CADPS2: variants seen among roughly 807,000 people sequenced by gnomAD.
CADPS2 encodes calcium-dependent secretion activator 2.
A neutral mutation model predicts 172.5 loss-of-function variants in CADPS2; 93 were observed. That is an observed-to-expected ratio of 0.54 (90% confidence interval 0.46 to 0.64). The LOEUF is 0.64. CADPS2 is among the 30% of genes least tolerant of loss of function. The probability of loss-of-function intolerance (pLI) is 0.00; values close to 1 mark genes in which losing one functional copy is unlikely to be tolerated. For synonymous variants in CADPS2, 546 were observed against 555.2 expected, an observed-to-expected ratio of 0.98 and a Z score of 0.23; for missense variants, 1,420 against 1,565.9, an observed-to-expected ratio of 0.91 and a Z score of 1.57.
chr7:122,492,130 C>T (rs940468912), intron 9 of CADPS2, among the ~76,000 whole-genome samples: 3 of 151,892 alleles, frequency 2.0e-5, no homozygotes, highest in African/African-American at 7.3e-5. Flanking sequence ...CGAGATCGCG[C>T]CATTGCACCC....
intron 7 of CADPS2, among the ~76,000 whole-genome samples, chr7:122,560,914 T>C (rs932678928): frequency 6.6e-6 from 1 of 152,168 alleles, no homozygotes; most frequent in African/African-American, 2.4e-5. Context: ...AATAACCACA[T>C]ATATTAATAT....
chr7:122,776,334 T>C (rs1387415411), intron 1 of CADPS2, among the ~76,000 whole-genome samples: 2 of 152,176 alleles, frequency 1.3e-5, no homozygotes, highest in Admixed American at 6.5e-5. Context: ...TCTTCTGCCA[T>C]GATTGTGAGG....
At chr7:122,419,932 T>A (rs1475944989) in intron 17 of CADPS2, among the ~76,000 whole-genome samples, 2 of 152,182 alleles carry the variant, frequency 1.3e-5, no homozygotes, top group African/African-American at 4.8e-5. Context: ...ATTTAACTTA[T>A]TTTAAATCAC....
chr7:122,768,122 G>A (rs2093609430), intron 1 of CADPS2, among the ~76,000 whole-genome samples: 1 of 152,078 alleles, frequency 6.6e-6, no homozygotes, highest in Non-Finnish European at 1.5e-5. Context: ...AATAAAGTGA[G>A]GTTTAAAGCA....
intron 2 of CADPS2, among the ~76,000 whole-genome samples, chr7:122,696,497 C>G (rs372682041): frequency 9.3e-4 from 2 of 2,160 alleles, no homozygotes; most frequent in African/African-American, 1.2e-3. Context: ...CTTTAGTCTT[C>G]CATGACCCCA....
intron 2 of CADPS2, among the ~76,000 whole-genome samples, chr7:122,674,266 GAGTGGCTCCCA>G (rs1401624254): frequency 6.6e-6 from 1 of 152,234 alleles, no homozygotes; most frequent in Non-Finnish European, 1.5e-5. Flanking sequence ...CCAGCCCAGA[GAGTGGCTCCCA>G]CAGCGCAGCG....
chr7:122,396,446 A>G (rs2045144419), intron 20 of CADPS2, among the ~76,000 whole-genome samples: 1 of 152,180 alleles, frequency 6.6e-6, no homozygotes, highest in Non-Finnish European at 1.5e-5. Flanking sequence ...TCTTCTCAAA[A>G]TCATAAGCAG....
chr7:122,460,149 T>G (rs2054279958), intron 14 of CADPS2, among the ~76,000 whole-genome samples: 1 of 151,996 alleles, frequency 6.6e-6, no homozygotes, highest in Admixed American at 6.6e-5. Flanking sequence ...GTGGACTAAC[T>G]TGATACTCCC....
chr7:122,549,917 C>G (rs1389776151), intron 8 of CADPS2, among the ~76,000 whole-genome samples: 2 of 152,142 alleles, frequency 1.3e-5, no homozygotes, highest in African/African-American at 4.8e-5. Context: ...ACTCTTTGAG[C>G]AAATACTACC....
At chr7:122,645,364 C>CATATATACACACAT (rs1563947814) in intron 3 of CADPS2, among the ~76,000 whole-genome samples, 8 of 78,350 alleles carry the variant, frequency 1.0e-4, no homozygotes, top group Admixed American at 2.4e-4. Context: ...TATACATGTA[C>CATATATACACACAT]ATGTATACAC....
At chr7:122,775,652 A>G (rs746673416) in intron 1 of CADPS2, among the ~76,000 whole-genome samples, 22 of 152,182 alleles carry the variant, frequency 1.4e-4, no homozygotes, top group Non-Finnish European at 3.2e-4. Flanking sequence ...TTTGATTATC[A>G]CCATCCAGAA....
chr7:122,573,619 A>C (rs2067566123), intron 7 of CADPS2, among the ~76,000 whole-genome samples: 1 of 152,144 alleles, frequency 6.6e-6, no homozygotes, highest in Non-Finnish European at 1.5e-5. Context: ...CAACATTTCT[A>C]AAATTAAAAA....
intron 6 of CADPS2, among the ~76,000 whole-genome samples, chr7:122,607,224 TG>T (rs2073691721): frequency 6.6e-6 from 1 of 152,144 alleles, no homozygotes. Flanking sequence ...TTTTGAAATG[TG>T]TAAGTCTTGG....
At chr7:122,636,922 G>C (rs1246308491) in intron 3 of CADPS2, among the ~76,000 whole-genome samples, 1 of 151,978 alleles carries the variant, frequency 6.6e-6, no homozygotes, top group African/African-American at 2.4e-5. Context: ...AATTTTCATG[G>C]ACTATATCCT....
At chr7:122,550,973 G>A (rs545101226) in intron 8 of CADPS2, among the ~76,000 whole-genome samples, 1 of 152,076 alleles carries the variant, frequency 6.6e-6, no homozygotes, top group South Asian at 2.1e-4. Flanking sequence ...GGTTTTAAAA[G>A]GATGGAATCA....
At chr7:122,463,103 G>A (rs1278320711) in intron 14 of CADPS2, among the ~76,000 whole-genome samples, 1 of 152,118 alleles carries the variant, frequency 6.6e-6, no homozygotes, top group Non-Finnish European at 1.5e-5. Context: ...GACTTTAGAA[G>A]ATCTTAACCA....
intron 1 of CADPS2, among the ~76,000 whole-genome samples, chr7:122,864,579 T>C (rs2141353466): frequency 6.6e-6 from 1 of 152,168 alleles, no homozygotes; most frequent in African/African-American, 2.4e-5. Flanking sequence ...GCTGGAACTA[T>C]TACAGCAAGA....
intron 7 of CADPS2, among the ~76,000 whole-genome samples, chr7:122,563,858 C>T (rs2066067272): frequency 6.6e-6 from 1 of 151,976 alleles, no homozygotes; most frequent in African/African-American, 2.4e-5. Flanking sequence ...AATTAAAAAC[C>T]AACTACAGGT....
chr7:122,551,045 TTAAA>T (rs993659929), intron 8 of CADPS2, among the ~76,000 whole-genome samples: 4 of 152,120 alleles, frequency 2.6e-5, no homozygotes, highest in Non-Finnish European at 4.4e-5. Context: ...TTAGTCCTAC[TTAAA>T]TAAACTATAA....
Sources: gnomAD v4.1 joint callset for allele counts (sites outside exome capture counted in the v4.1 genomes callset) on GRCh38, gnomAD v4.1.1 for gene constraint, MANE v1.5 for transcripts, NCBI Gene and HGNC (gene_info 2026-07-23, HGNC 2026-07-21) for gene names.